Variants in ANKRD11 observed in about 807,000 individuals in gnomAD.
ANKRD11 encodes the protein ankyrin repeat domain-containing protein 11.
In ANKRD11, 17 loss-of-function variants were observed where a neutral mutation model predicts 195.7. The observed-to-expected ratio is 0.09, with a 90% CI of 0.06 to 0.13. ANKRD11 has a LOEUF of 0.13. Ranked by LOEUF, ANKRD11 falls within the 10% of genes least tolerant of loss-of-function variation. The probability of loss-of-function intolerance (pLI) is 1.00; values close to 1 mark genes in which losing one functional copy is unlikely to be tolerated. For synonymous variants in ANKRD11, 1,953 were observed against 1,528.1 expected, an observed-to-expected ratio of 1.28 and a Z score of -6.49; for missense variants, 3,735 against 3,566.1, an observed-to-expected ratio of 1.05 and a Z score of -1.21.
Position 89,282,762 on chromosome 16 carries a change from C to T in ANKRD11, c.3780G>A (p.Ser1260=), listed in dbSNP as rs139288405. ...TCCTCTCCTTGGAATGTTCTTTGTCCGACTTCTCTTTGTGTTTGCTTTTAG... is the reference window on the plus strand; with the variant it reads ...TCCTCTCCTTGGAATGTTCTTTGTCTGACTTCTCTTTGTGTTTGCTTTTAG... ...DKAKSKHKEK[S]DKEHSKERKS... Residue 1260 remains serine (S), a synonymous_variant, in exon 9 of 13, where the codon TCG becomes TCA. Transcript: ENST00000301030. 179 of 1,613,048 alleles carry T rather than the reference C, an allele frequency of 1.1e-4. 1 individual carries two copies. The highest frequency in any genetic ancestry group is 7.7e-4 in the South Asian group (70 of 91,058).
chr16:89,306,822 T>C (rs75785988), intron 3 of ANKRD11, among the ~76,000 whole-genome samples: 507 of 7,206 alleles, frequency 0.07, 177 homozygotes, highest in South Asian at 0.14. Context: ...CCACCTCCCA[T>C]TCCACAGACA....
In ANKRD11 at chr16:89,290,793, C is replaced by T; in HGVS notation, c.433G>A (p.Val145Met). The stretch of plus-strand genomic sequence containing the variant: ...GAGTTGGGCGTTCCCTTCTGACACA[C>T]TGTAGACTGGGAGGGGTGCTTTGGT... ...TTPKHPSQST[V>M]CQKGTPNSAS... The change falls in exon 6 of 13, where the codon GTG becomes ATG. Residue 145 changes from valine to methionine, a missense_variant. By Grantham distance (21) the Val-to-Met change is conservative. Transcript: ENST00000301030. 2.5e-6 allele frequency: 4 copies of T among 1,614,054 alleles called. No homozygotes were observed. The highest frequency in any genetic ancestry group is 3.4e-6 in the Non-Finnish European group (4 of 1,180,008).
rs369930119 is a variant in ANKRD11 at position 89,282,255 on chromosome 16, A to T, written c.4287T>A (p.Asp1429Glu). 26 of 1,613,842 alleles carry T rather than the reference A, an allele frequency of 1.6e-5. No homozygotes were observed. In the African/African-American group the frequency reaches 3.3e-4, roughly 21 times the overall value. The change falls in exon 9 of 13, where the codon GAT (aspartate) becomes GAA (glutamate). Residue 1429 changes from aspartate to glutamate, a missense_variant. Asp to Glu is a conservative substitution (Grantham distance 45). Transcript: ENST00000301030. ...AAGGTTCTCTCTCGGAATCATTTTT[A>T]TCTTTCTTTTCGGTAGAAAACAATT... ...TIELFSTEKK[D>E]KNDSEREPSK...
chr16:89,384,642 C>T (rs2040817099), intron 2 of ANKRD11, among the ~76,000 whole-genome samples: 1 of 152,102 alleles, frequency 6.6e-6, no homozygotes, highest in Non-Finnish European at 1.5e-5. Context: ...CTGGCAGTGG[C>T]ACTGACGGCT....
At chr16:89,359,956 T>C (rs905284236) in intron 2 of ANKRD11, among the ~76,000 whole-genome samples, 1 of 151,804 alleles carries the variant, frequency 6.6e-6, no homozygotes, top group South Asian at 2.1e-4. Flanking sequence ...AGTAAACACA[T>C]GTCGGCAGTG....
At chr16:89,464,824 G>A (rs1189270691) in intron 1 of ANKRD11, among the ~76,000 whole-genome samples, 2 of 152,086 alleles carry the variant, frequency 1.3e-5, no homozygotes, top group East Asian at 3.9e-4. Flanking sequence ...AAACTCTACA[G>A]AAAGTCAGGA....
chr16:89,321,843 T>C (rs2037347372), intron 2 of ANKRD11, among the ~76,000 whole-genome samples: 1 of 152,116 alleles, frequency 6.6e-6, no homozygotes, highest in African/African-American at 2.4e-5. Flanking sequence ...CACCTCTGCC[T>C]CTCCTGAGAC....
chr16:89,371,111 G>A (rs1411695940), intron 2 of ANKRD11, among the ~76,000 whole-genome samples: 2 of 152,190 alleles, frequency 1.3e-5, no homozygotes, highest in African/African-American at 4.8e-5. Flanking sequence ...GAAAACCGCC[G>A]AGGGGGAAGA....
chr16:89,404,175 C>T (rs1190132213), intron 2 of ANKRD11, among the ~76,000 whole-genome samples: 3 of 152,140 alleles, frequency 2.0e-5, no homozygotes, highest in Non-Finnish European at 4.4e-5. Flanking sequence ...ACAGGTGGCT[C>T]GACCCACCAG....
intron 2 of ANKRD11, among the ~76,000 whole-genome samples, chr16:89,391,909 A>C (rs756577633): frequency 1.4e-5 from 2 of 147,914 alleles, no homozygotes; most frequent in African/African-American, 2.5e-5. Context: ...TTTAGCCTAA[A>C]TATCTGCCCT....
intron 12 of ANKRD11, chr16:89,270,591 C>A (rs2033057533): frequency 1.7e-6 from 1 of 585,380 alleles, no homozygotes; most frequent in Non-Finnish European, 3.1e-6. Context: ...GGAGCCGCTC[C>A]CTGCACACCG....
rs1187228908 is a variant in ANKRD11 at position 89,388,953 on chromosome 16, C to T, written c.-60+29331G>A. ...CCAGAACAAAGCCCAAGATGACTTA[C>T]AGGAATATACAATTATCCAGCACAT... On this transcript the variant is annotated intron_variant, in intron 2 of 12. Coordinates refer to ENST00000301030, the MANE Select transcript of ANKRD11 (RefSeq NM_013275.6). Among the ~76,000 whole-genome samples, 13 of 152,318 alleles carry T rather than the reference C, an allele frequency of 8.5e-5. 1 individual carries two copies. In the East Asian group the frequency reaches 1.3e-3, roughly 16 times the overall value.
rs368127435 is a variant in ANKRD11, at chr16:89,281,862, G to A, written c.4680C>T (p.Asp1560=). 101 of 1,613,882 alleles carry A rather than the reference G, an allele frequency of 6.3e-5. No individual in the cohort carries two copies. Among genetic ancestry groups the A allele is most frequent in the Middle Eastern group, 1.6e-4 (1 of 6,084 alleles). ...TGGGCCTGGCGTCTTTCTTGCCTGGGTCTTTGGATGGCGCTACCTTATCAT... is the reference window on the plus strand; with the variant it reads ...TGGGCCTGGCGTCTTTCTTGCCTGGATCTTTGGATGGCGCTACCTTATCAT... ...NGNDKVAPSK[D]PGKKDARPRE... The change falls in exon 9 of 13, where the codon GAC becomes GAT. Residue 1560 remains aspartate (D), a synonymous_variant. Transcript: ENST00000301030. The surrounding 1 kb of genome is among the most constrained non-coding windows in gnomAD (Gnocchi z 5.5).
At chr16:89,271,975 A>G (rs1359128297) in intron 11 of ANKRD11, 1 of 152,152 alleles carries the variant, frequency 6.6e-6, no homozygotes, top group African/African-American at 2.4e-5. Flanking sequence ...AATGGGAGGA[A>G]ACGCCTGCAA....
intron 4 of ANKRD11, chr16:89,301,404 CCTTGAGGTGGTAGAGGACA>C: frequency 2.5e-6 from 1 of 396,766 alleles, no homozygotes; most frequent in Non-Finnish European, 4.4e-6. Flanking sequence ...CTGAGACCAC[CCTTGAGGTGGTAGAGGACA>C]GACTTCAAAA....
intron 1 of ANKRD11, among the ~76,000 whole-genome samples, chr16:89,482,005 A>G (rs1039780261): frequency 1.3e-5 from 2 of 152,014 alleles, no homozygotes; most frequent in African/African-American, 2.4e-5. Flanking sequence ...CTCTCTTTTC[A>G]TAAGAACCAA....
chr16:89,428,217 G>C (rs996883530), intron 1 of ANKRD11, among the ~76,000 whole-genome samples: 1 of 150,192 alleles, frequency 6.7e-6, no homozygotes, highest in African/African-American at 2.4e-5. Context: ...CAAAAAAATA[G>C]ATTAATTAAT....
At chr16:89,460,482 T>C (rs1425592062) in intron 1 of ANKRD11, among the ~76,000 whole-genome samples, 1 of 151,858 alleles carries the variant, frequency 6.6e-6, no homozygotes, top group Admixed American at 6.6e-5. Flanking sequence ...TTGCTTGAAC[T>C]TGGGAGGTGG....
At chr16:89,325,274 C>T (rs1007764096) in intron 2 of ANKRD11, among the ~76,000 whole-genome samples, 6 of 152,094 alleles carry the variant, frequency 3.9e-5, no homozygotes, top group Non-Finnish European at 7.3e-5. Context: ...CCTGTCTCTA[C>T]GAAAAGTTTA....
Sources: allele counts gnomAD v4.1 joint callset (sites outside exome capture counted in the v4.1 genomes callset), GRCh38; gene constraint gnomAD v4.1.1; non-coding constraint Gnocchi (gnomAD v3.1); transcripts MANE v1.5; gene names NCBI Gene and HGNC (gene_info 2026-07-23, HGNC 2026-07-21).